The following XYLT1 variants were observed in gnomAD, a reference collection of about 807,000 sequenced individuals.
XYLT1 encodes the protein beta-D-xylosyltransferase 1.
XYLT1 carries 36 observed loss-of-function variants against 91.3 expected under a neutral mutation model. The ratio of observed to expected loss-of-function variants is 0.39; its 90% CI spans 0.30 to 0.52. The LOEUF (loss-of-function observed/expected upper bound fraction) is 0.52, where lower values mean the gene tolerates loss of function less well. Among genes scored for constraint, XYLT1 ranks in the 20% least tolerant of loss-of-function variants. The probability of loss-of-function intolerance (pLI) is 0.68; values close to 1 mark genes in which losing one functional copy is unlikely to be tolerated. For synonymous variants in XYLT1, 588 were observed against 532.0 expected (o/e 1.11, Z -1.45); for missense variants, 1,242 against 1,284.5 (o/e 0.97, Z 0.51).
chr16:17,129,971 G>A (rs2030409147), intron 9 of XYLT1, among the ~76,000 whole-genome samples: 1 of 152,240 alleles, frequency 6.6e-6, no homozygotes, highest in African/African-American at 2.4e-5. Context: ...AGTGGTAGAA[G>A]GGCTGTCACG....
intron 3 of XYLT1, among the ~76,000 whole-genome samples, chr16:17,243,108 T>C (rs567484914): frequency 6.6e-6 from 1 of 152,314 alleles, no homozygotes; most frequent in South Asian, 2.1e-4. Context: ...AGACTCTGCC[T>C]TCAATTCTTC....
chr16:17,113,025 G>C (rs1163224829), intron 11 of XYLT1, among the ~76,000 whole-genome samples: 1 of 151,992 alleles, frequency 6.6e-6, no homozygotes, highest in African/African-American at 2.4e-5. Flanking sequence ...TTTTAGTAGA[G>C]ACGGGGTTTC....
intron 5 of XYLT1, among the ~76,000 whole-genome samples, chr16:17,168,080 G>A (rs149586177): frequency 1.4e-4 from 21 of 152,296 alleles, no homozygotes; most frequent in African/African-American, 5.1e-4. Flanking sequence ...GAAGAGACAA[G>A]AGCAAAAGAA....
intron 2 of XYLT1, among the ~76,000 whole-genome samples, chr16:17,260,881 T>A (rs2033711869): frequency 1.3e-5 from 2 of 152,182 alleles, no homozygotes; most frequent in Admixed American, 1.3e-4. Context: ...CCTCTGGGAC[T>A]GGGTTAGTTG....
chr16:17,379,423 C>T (rs1292719593), intron 1 of XYLT1, among the ~76,000 whole-genome samples: 1 of 152,200 alleles, frequency 6.6e-6, no homozygotes, highest in East Asian at 1.9e-4. Context: ...TGAGGCCAGC[C>T]CAGCCTGCCT....
chr16:17,427,693 C>T (rs2036337034), intron 1 of XYLT1, among the ~76,000 whole-genome samples: 1 of 152,170 alleles, frequency 6.6e-6, no homozygotes, highest in South Asian at 2.1e-4. Context: ...ATGTATCCTA[C>T]CCACACTCTT....
intron 2 of XYLT1, among the ~76,000 whole-genome samples, chr16:17,329,313 G>C (rs1399371700): frequency 1.3e-5 from 2 of 152,212 alleles, no homozygotes; most frequent in Non-Finnish European, 2.9e-5. Context: ...CCACCACTCT[G>C]TAACCGTGAG....
rs189314397 is a variant in XYLT1, at chr16:17,182,482, G to C, written c.1289+15730C>G. 2.0e-3 allele frequency among the ~76,000 whole-genome samples: 307 copies of C among 152,144 alleles called. 1 individual carries two copies. The highest frequency in any genetic ancestry group is 7.2e-3 in the African/African-American group (298 of 41,506). On this transcript the variant is annotated intron_variant, in intron 5 of 11. Transcript: ENST00000261381. ...ATTTTACCTTAAGTACCTCCTTATA[G>C]GCCCTATCTCCAAGTACAAGGGTTA...
At chr16:17,308,659 C>T (rs903110239) in intron 2 of XYLT1, among the ~76,000 whole-genome samples, 1 of 152,186 alleles carries the variant, frequency 6.6e-6, no homozygotes, top group East Asian at 1.9e-4. Context: ...ACTTCCTTGG[C>T]ATGTGAACTT....
chr16:17,184,843 ACT>A (rs548918006), intron 5 of XYLT1, among the ~76,000 whole-genome samples: 349 of 152,282 alleles, frequency 2.3e-3, no homozygotes, highest in Admixed American at 7.0e-3. Flanking sequence ...TTTCCCCAGG[ACT>A]CTGAATTTTT....
chr16:17,127,958 C>T, intron 9 of XYLT1, 97 bp from the exon 10 acceptor site: 1 of 1,135,432 alleles, frequency 8.8e-7, no homozygotes, highest in Non-Finnish European at 1.3e-6. Flanking sequence ...AAAGCAGTCC[C>T]CATTGTGCAC....
chr16:17,424,469 T>G (rs2036288437), intron 1 of XYLT1, among the ~76,000 whole-genome samples: 1 of 152,178 alleles, frequency 6.6e-6, no homozygotes, highest in Non-Finnish European at 1.5e-5. Context: ...ACATTATAGC[T>G]TAGGTTGAGC....
At chr16:17,340,391 C>T (rs1009435649) in intron 2 of XYLT1, among the ~76,000 whole-genome samples, 3 of 152,242 alleles carry the variant, frequency 2.0e-5, no homozygotes, top group Admixed American at 6.5e-5. Flanking sequence ...TCTCCAGCTG[C>T]CACCACATGG....
At chr16:17,217,253 C>T (rs1385255958) in intron 3 of XYLT1, among the ~76,000 whole-genome samples, 2 of 152,096 alleles carry the variant, frequency 1.3e-5, no homozygotes, top group African/African-American at 4.8e-5. Flanking sequence ...AGGAGGACCT[C>T]GTTTCGAACT....
intron 6 of XYLT1, among the ~76,000 whole-genome samples, chr16:17,142,389 A>T (rs990386556): frequency 6.6e-6 from 1 of 150,826 alleles, no homozygotes; most frequent in African/African-American, 2.4e-5. Flanking sequence ...TTATTAATAC[A>T]TTAAATAACA....
At chr16:17,426,020 G>A (rs2036313857) in intron 1 of XYLT1, among the ~76,000 whole-genome samples, 1 of 152,152 alleles carries the variant, frequency 6.6e-6, no homozygotes, top group South Asian at 2.1e-4. Flanking sequence ...CAAAGTAAGT[G>A]AGCAATGCAT....
intron 1 of XYLT1, among the ~76,000 whole-genome samples, chr16:17,455,756 T>C (rs563786242): frequency 6.6e-6 from 1 of 152,328 alleles, no homozygotes; most frequent in Non-Finnish European, 1.5e-5. Context: ...CGCATAAAGA[T>C]GATGTTCACC....
Position 17,470,458 on chromosome 16 carries a change from C to A in XYLT1, c.339G>T (p.Arg113=). The change falls in exon 1 of 12, where the codon CGG becomes CGT. Residue 113 remains arginine, a synonymous_variant. Coordinates refer to ENST00000261381, the MANE Select transcript of XYLT1 (RefSeq NM_022166.4). The part of the protein sequence containing the change: ...GEPRGQQPAS[R]GALPARALDP... ...CCAGAGCCCGGGCGGGCAGTGCCCC[C>A]CGGCTGGCCGGCTGCTGTCCCCGCG... The A allele has an allele frequency of 8.1e-7, 1 of 1,231,898 alleles. No individual in the cohort carries two copies. Among genetic ancestry groups the A allele is most frequent in the Non-Finnish European group, 1.0e-6 (1 of 987,862 alleles). The allele number at this position is 1,231,898 out of a possible 1,614,324, so 76.3% of individuals were successfully genotyped here.
intron 1 of XYLT1, among the ~76,000 whole-genome samples, chr16:17,462,107 G>A (rs1172365918): frequency 6.6e-6 from 1 of 152,114 alleles, no homozygotes; most frequent in African/African-American, 2.4e-5. Flanking sequence ...ATGGCAAAGC[G>A]TGCCCTGGGA....
Sources: gnomAD v4.1 joint callset for allele counts (sites outside exome capture counted in the v4.1 genomes callset) on GRCh38, gnomAD v4.1.1 for gene constraint, MANE v1.5 for transcripts, NCBI Gene and HGNC (gene_info 2026-07-23, HGNC 2026-07-21) for gene names.